Variants in NXNL2 observed in about 807,000 individuals in gnomAD.
The protein encoded by NXNL2 is nucleoredoxin like 2.
Under a neutral mutation model 11.1 loss-of-function variants are expected in NXNL2, and 7 were observed. The ratio of observed to expected loss-of-function variants is 0.63; its 90% CI spans 0.36 to 1.18. The LOEUF is 1.18. Ranked by LOEUF, NXNL2 falls within the 50% of genes most tolerant of loss-of-function variation. The pLI, the probability that NXNL2 is intolerant of heterozygous loss-of-function variation, is 0.02. For synonymous variants in NXNL2, 109 were observed against 101.8 expected, an observed-to-expected ratio of 1.07 and a Z score of -0.42; for missense variants, 233 against 217.7, an observed-to-expected ratio of 1.07 and a Z score of -0.44.
intron 1 of NXNL2, among the ~76,000 whole-genome samples, chr9:88,537,631 T>G (rs953354554): frequency 2.0e-5 from 3 of 152,232 alleles, no homozygotes; most frequent in Admixed American, 2.0e-4. Context: ...CTGCTTATCC[T>G]ACGTCTACAG....
In NXNL2 at chr9:88,544,939, C is replaced by T; in HGVS notation, c.*392C>T. ...TTATTTTAATGGTATGCTTTCACAA[C>T]TATCTTAATAAAGTTTGCAAGCTGT... On this transcript the variant is annotated 3_prime_UTR_variant, in exon 2 of 2. Transcript: ENST00000375854. The T allele has an allele frequency of 1.0e-6, 1 of 972,222 alleles. No homozygotes were observed. The highest frequency in any genetic ancestry group is 1.2e-6 in the Non-Finnish European group (1 of 816,852). The allele number at this position is 972,222 out of a possible 1,614,324, so 60.2% of individuals were successfully genotyped here. A position where few individuals can be genotyped will look rare whatever the true frequency, so the allele number is the denominator to read the frequency against.
At chr9:88,558,121 G>C (rs1830042381) in intron 1 of NXNL2, among the ~76,000 whole-genome samples, 1 of 152,170 alleles carries the variant, frequency 6.6e-6, no homozygotes, top group Non-Finnish European at 1.5e-5. Context: ...GATGGGGCTG[G>C]TTCCCAGGGG....
At chr9:88,575,208 T>C (rs1342721585) in exon 3 of NXNL2, 1 of 973,450 alleles carries the variant, frequency 1.0e-6, no homozygotes, top group Non-Finnish European at 1.2e-6. Context: ...TCATTAACAA[T>C]GTGCTGTGAC....
At chr9:88,556,141 G>A (rs1185701937) in intron 1 of NXNL2, among the ~76,000 whole-genome samples, 1 of 152,146 alleles carries the variant, frequency 6.6e-6, no homozygotes, top group African/African-American at 2.4e-5. Context: ...GCCCCCAGAG[G>A]GTCACAGCTC....
chr9:88,549,534 A>C (rs2118450443), downstream of NXNL2, among the ~76,000 whole-genome samples: 1 of 152,282 alleles, frequency 6.6e-6, no homozygotes, highest in African/African-American at 2.4e-5. Flanking sequence ...ACTTTCCTTC[A>C]GTGATTTGAA....
chr9:88,563,658 G>A (rs1338195171), intron 1 of NXNL2, among the ~76,000 whole-genome samples: 1 of 152,096 alleles, frequency 6.6e-6, no homozygotes, highest in Admixed American at 6.5e-5. Context: ...TTAGACTAAA[G>A]TCCAGTCCTC....
At chr9:88,573,426 G>T (rs908986474) in intron 2 of NXNL2, among the ~76,000 whole-genome samples, 1 of 152,332 alleles carries the variant, frequency 6.6e-6, no homozygotes, top group African/African-American at 2.4e-5. Context: ...TTACACGCAT[G>T]AGCCACTGTG....
chr9:88,562,325 C>T (rs1830095494), intron 1 of NXNL2, among the ~76,000 whole-genome samples: 1 of 152,010 alleles, frequency 6.6e-6, no homozygotes, highest in Non-Finnish European at 1.5e-5. Flanking sequence ...CTGGGGGCGG[C>T]TGGGAGTGCT....
chr9:88,538,364 G>C (rs1829673518), intron 1 of NXNL2: 2 of 152,186 alleles, frequency 1.3e-5, no homozygotes, highest in South Asian at 4.1e-4. Flanking sequence ...GCAGCAATGA[G>C]AACAACTCAA....
At chr9:88,549,700 A>C (rs1277104653), downstream of NXNL2, among the ~76,000 whole-genome samples, 1 of 152,204 alleles carries the variant, frequency 6.6e-6, no homozygotes, top group Non-Finnish European at 1.5e-5. Context: ...CTTTACAGGA[A>C]GCATGATGCT....
chr9:88,573,120 T>C (rs1830296905), intron 2 of NXNL2, among the ~76,000 whole-genome samples: 1 of 151,832 alleles, frequency 6.6e-6, no homozygotes, highest in Non-Finnish European at 1.5e-5. Flanking sequence ...ATTGTTCCTA[T>C]GATTGATTGA....
chr9:88,537,345 G>A (rs1829647580), intron 1 of NXNL2, among the ~76,000 whole-genome samples: 1 of 152,162 alleles, frequency 6.6e-6, no homozygotes, highest in South Asian at 2.1e-4. Flanking sequence ...TTGGACTGGG[G>A]AGGTCATCGC....
intron 1 of NXNL2, among the ~76,000 whole-genome samples, chr9:88,562,120 A>G (rs1467211919): frequency 6.6e-6 from 1 of 152,204 alleles, no homozygotes; most frequent in Non-Finnish European, 1.5e-5. Flanking sequence ...ACAACCTACA[A>G]CTACATACAA....
intron 1 of NXNL2, among the ~76,000 whole-genome samples, chr9:88,561,299 T>TTC (rs1830082294): frequency 1.3e-5 from 2 of 152,208 alleles, no homozygotes; most frequent in Non-Finnish European, 2.9e-5. Context: ...TTCTTCAGTT[T>TTC]AGGGACCCGG....
intron 1 of NXNL2, among the ~76,000 whole-genome samples, chr9:88,561,350 T>C (rs1830082978): frequency 6.6e-6 from 1 of 152,144 alleles, no homozygotes; most frequent in Non-Finnish European, 1.5e-5. Context: ...CAGCCTATTG[T>C]GGAATCTTGT....
At chr9:88,559,697 T>A (rs1438066138) in intron 1 of NXNL2, among the ~76,000 whole-genome samples, 1 of 152,220 alleles carries the variant, frequency 6.6e-6, no homozygotes, top group Non-Finnish European at 1.5e-5. Flanking sequence ...GCCCAGTTTG[T>A]TTAAATCCCA....
At position 88,582,630 on chromosome 9, in the gene NXNL2, C is replaced by T. The variant is rs191794418; in HGVS notation, n.552-1369C>T. On this transcript the variant is annotated intron_variant and non_coding_transcript_variant, in intron 1 of 1. Transcript: ENST00000478686. ...TTCCTTTCTTCCTTCCTTCCTTCCT[C>T]CCTCCTCCCCTCCCTCCCTCCCTCT... is the stretch of plus-strand genomic sequence containing the variant. Among the ~76,000 whole-genome samples the T allele has an allele frequency of 9.5e-3, 1,438 of 150,944 alleles. 14 individuals are homozygous for T. Among genetic ancestry groups the T allele is most frequent in the Admixed American group, 0.027 (403 of 15,142 alleles).
At chr9:88,563,584 G>A (rs1332090520) in intron 1 of NXNL2, among the ~76,000 whole-genome samples, 1 of 152,144 alleles carries the variant, frequency 6.6e-6, no homozygotes, top group Non-Finnish European at 1.5e-5. Flanking sequence ...TGCCCATACA[G>A]CCACTCAAAT....
At chr9:88,536,342 T>G (rs1008255494) in intron 1 of NXNL2, among the ~76,000 whole-genome samples, 8 of 152,178 alleles carry the variant, frequency 5.3e-5, no homozygotes, top group Non-Finnish European at 8.8e-5. Flanking sequence ...CCGACACTGA[T>G]GGAATTTCAT....
Sources: allele counts gnomAD v4.1 joint callset (sites outside exome capture counted in the v4.1 genomes callset), GRCh38; gene constraint gnomAD v4.1.1; transcripts MANE v1.5; gene names NCBI Gene and HGNC (gene_info 2026-07-23, HGNC 2026-07-21).